ATE1: variants seen among roughly 807,000 people sequenced by gnomAD.
The protein encoded by ATE1 is arginyltransferase 1, also known as arginyl-tRNA--protein transferase 1.
ATE1 carries 36 observed loss-of-function variants against 70.5 expected under a neutral mutation model. That is an observed-to-expected ratio of 0.51 (90% CI 0.39 to 0.67). The LOEUF (loss-of-function observed/expected upper bound fraction) is 0.67, where lower values mean the gene tolerates loss of function less well. Among genes scored for constraint, ATE1 ranks in the 30% least tolerant of loss-of-function variants. The pLI is 0.00. For synonymous variants in ATE1, 232 were observed against 219.3 expected (o/e 1.06, Z -0.51); for missense variants, 593 against 629.5 (o/e 0.94, Z 0.62).
chr10:121,755,642 T>C (rs1488187991), intron 11 of ATE1, among the ~76,000 whole-genome samples: 2 of 152,196 alleles, frequency 1.3e-5, no homozygotes, highest in Non-Finnish European at 2.9e-5. Flanking sequence ...CTCACAATCA[T>C]GTCAGAAGGC....
intron 11 of ATE1, among the ~76,000 whole-genome samples, chr10:121,780,978 C>A (rs77399416): frequency 0.018 from 2,713 of 152,268 alleles, 64 homozygotes; most frequent in African/African-American, 0.062. Context: ...TAAATACATG[C>A]TGAGTGAATG....
At chr10:121,908,681 C>T (rs1247632824) in intron 5 of ATE1, among the ~76,000 whole-genome samples, 1 of 152,168 alleles carries the variant, frequency 6.6e-6, no homozygotes, top group Non-Finnish European at 1.5e-5. Flanking sequence ...AAAAGAGAAG[C>T]ACCCAGACAT....
chr10:121,750,540 C>T (rs1696838), intron 11 of ATE1, among the ~76,000 whole-genome samples: 142,873 of 151,700 alleles, frequency 0.94, 67,310 homozygotes, highest in Non-Finnish European at 0.97. Context: ...TTGATTTTTT[C>T]CCCCAACTTT....
At chr10:121,779,869 T>G (rs1353033370) in intron 11 of ATE1, among the ~76,000 whole-genome samples, 1 of 152,228 alleles carries the variant, frequency 6.6e-6, no homozygotes, top group East Asian at 1.9e-4. Context: ...TCAGGTCCTC[T>G]CAGCAGAATC....
chr10:121,909,194 G>A (rs575819807), intron 5 of ATE1, among the ~76,000 whole-genome samples: 1 of 152,276 alleles, frequency 6.6e-6, no homozygotes, highest in Non-Finnish European at 1.5e-5. Context: ...TCACCATGTT[G>A]TTCAGGCTGG....
rs572965178 is a variant in ATE1, at chr10:121,870,144, T to A, written c.943-106A>T. The A allele has an allele frequency of 1.3e-5, 14 of 1,045,704 alleles. No homozygotes were observed. The East Asian group carries it at 3.2e-4, about 24-fold the overall frequency. 64.8% of individuals were successfully genotyped at this position (1,045,704 alleles called of 1,614,324 possible). A position where few individuals can be genotyped will look rare whatever the true frequency, so the allele number is the denominator to read the frequency against. On this transcript the variant is annotated intron_variant, in intron 7 of 11. Transcript: ENST00000224652. ...TATACAATTTTCCAGTAAATCCACTTAAAGTGAACCCAAAGATTATAGAAA... is the reference window on the plus strand; with the variant it reads ...TATACAATTTTCCAGTAAATCCACTAAAAGTGAACCCAAAGATTATAGAAA...
At position 121,892,464 on chromosome 10, in the gene ATE1, G is replaced by A. The variant is rs187751734; in HGVS notation, c.942+7402C>T. On this transcript the variant is annotated intron_variant, in intron 7 of 11. Transcript: ENST00000224652. ...TGCTCTTTATTTGGAAAAGAGATAC[G>A]GGGAAGTTTGGGTGGGACACAAACG... Among the ~76,000 whole-genome samples the A allele has an allele frequency of 1.3e-4, 20 of 151,986 alleles. No homozygotes were observed. In the East Asian group the frequency reaches 3.5e-3, roughly 26 times the overall value.
chr10:121,858,089 C>G (rs921356777), intron 8 of ATE1, among the ~76,000 whole-genome samples: 1 of 152,102 alleles, frequency 6.6e-6, no homozygotes, highest in Non-Finnish European at 1.5e-5. Context: ...ATTCATCCAC[C>G]GATGAATACT....
At chr10:121,908,366 G>T (rs1428524233) in intron 5 of ATE1, among the ~76,000 whole-genome samples, 2 of 152,132 alleles carry the variant, frequency 1.3e-5, no homozygotes, top group Admixed American at 6.5e-5. Context: ...TTAGCCAGCT[G>T]TGGTGGCATG....
chr10:121,922,110 TAA>T (rs1951904890), intron 3 of ATE1, among the ~76,000 whole-genome samples: 2 of 152,190 alleles, frequency 1.3e-5, no homozygotes, highest in South Asian at 2.1e-4. Context: ...ATTGCTAAAT[TAA>T]GAGGGTATTT....
At chr10:121,867,132 T>C (rs1949691577) in intron 8 of ATE1, among the ~76,000 whole-genome samples, 1 of 152,196 alleles carries the variant, frequency 6.6e-6, no homozygotes. Flanking sequence ...CATTTGTTCA[T>C]TCATTCATTG....
intron 3 of ATE1, among the ~76,000 whole-genome samples, chr10:121,917,273 A>G (rs1413950928): frequency 1.3e-5 from 2 of 152,208 alleles, no homozygotes. Context: ...AGTAGATAAA[A>G]GCGATCATAG....
intron 11 of ATE1, among the ~76,000 whole-genome samples, chr10:121,776,906 G>A (rs1945769299): frequency 6.6e-6 from 1 of 152,246 alleles, no homozygotes; most frequent in African/African-American, 2.4e-5. Context: ...GAGAGAAGGT[G>A]CATGAAAGGG....
intron 8 of ATE1, among the ~76,000 whole-genome samples, chr10:121,849,993 C>T (rs926756453): frequency 6.6e-6 from 1 of 152,056 alleles, no homozygotes; most frequent in Admixed American, 6.6e-5. Context: ...AGAATCAATA[C>T]AAAGATTTAT....
At chr10:121,793,310 G>A (rs1455195392) in intron 10 of ATE1, among the ~76,000 whole-genome samples, 1 of 152,182 alleles carries the variant, frequency 6.6e-6, no homozygotes, top group Admixed American at 6.5e-5. Context: ...CTTACATATT[G>A]TTGGTTTAAA....
intron 10 of ATE1, among the ~76,000 whole-genome samples, chr10:121,833,276 C>T (rs866363845): frequency 1.3e-5 from 2 of 150,784 alleles, no homozygotes; most frequent in Non-Finnish European, 2.9e-5. Flanking sequence ...GGAAGCCATC[C>T]CATTCATGCT....
intron 7 of ATE1, among the ~76,000 whole-genome samples, chr10:121,888,016 T>G (rs946121578): frequency 6.6e-6 from 1 of 152,206 alleles, no homozygotes; most frequent in Non-Finnish European, 1.5e-5. Context: ...AAGAGGTTAT[T>G]CCTCCTACCT....
At chr10:121,809,959 A>G (rs1005192760) in intron 10 of ATE1, among the ~76,000 whole-genome samples, 14 of 152,100 alleles carry the variant, frequency 9.2e-5, no homozygotes, top group South Asian at 6.2e-4. Flanking sequence ...GCCAAGAAAG[A>G]TCAACACTGA....
At chr10:121,864,536 C>G (rs982025908) in intron 8 of ATE1, among the ~76,000 whole-genome samples, 1 of 152,184 alleles carries the variant, frequency 6.6e-6, no homozygotes, top group East Asian at 1.9e-4. Context: ...AACGTGCAGA[C>G]GTTCAGAAAC....
Sources: allele counts gnomAD v4.1 joint callset (sites outside exome capture counted in the v4.1 genomes callset), GRCh38; gene constraint gnomAD v4.1.1; transcripts MANE v1.5; gene names NCBI Gene and HGNC (gene_info 2026-07-23, HGNC 2026-07-21).